The following CA10 variants were observed in gnomAD, a reference collection of about 807,000 sequenced individuals.
CA10 encodes the protein carbonic anhydrase 10 (inactive).
CA10 carries 14 observed loss-of-function variants against 44.2 expected under a neutral mutation model. That is an observed-to-expected ratio of 0.32 (90% CI 0.21 to 0.50). The LOEUF is 0.50. Among genes scored for constraint, CA10 ranks in the 20% least tolerant of loss-of-function variants. The pLI is 0.99. For synonymous variants in CA10, 159 were observed against 141.6 expected (o/e 1.12, Z -0.87); for missense variants, 350 against 409.7 (o/e 0.85, Z 1.26).
At chr17:51,839,317 C>T (rs1171927163) in intron 3 of CA10, among the ~76,000 whole-genome samples, 1 of 151,594 alleles carries the variant, frequency 6.6e-6, no homozygotes, top group African/African-American at 2.4e-5. Flanking sequence ...ACGGTGAAAC[C>T]CCGTCTCTAC....
At chr17:51,934,960 T>C (rs892884526) in intron 2 of CA10, among the ~76,000 whole-genome samples, 2 of 152,130 alleles carry the variant, frequency 1.3e-5, no homozygotes, top group African/African-American at 4.8e-5. Flanking sequence ...ATGAAGTGCC[T>C]GTGCCTACTG....
chr17:51,943,546 G>T (rs1340510178), intron 2 of CA10, among the ~76,000 whole-genome samples: 2 of 152,152 alleles, frequency 1.3e-5, no homozygotes, highest in Non-Finnish European at 2.9e-5. Context: ...GCCTTTCGGG[G>T]CTCCTGGCAG....
At position 51,692,366 on chromosome 17, in the gene CA10, C is replaced by CCTATCTAT. The variant is rs71728413; in HGVS notation, c.466-38638_466-38631dup. Among the ~76,000 whole-genome samples, 857 of 141,242 alleles carry CCTATCTAT rather than the reference C, an allele frequency of 6.1e-3. 4 individuals are homozygous for CCTATCTAT. Among genetic ancestry groups the CCTATCTAT allele is most frequent in the Admixed American group, 8.0e-3 (112 of 13,944 alleles). 92.7% of individuals were successfully genotyped at this position (141,242 alleles called of 152,430 possible). On this transcript the variant is annotated intron_variant, in intron 4 of 8. Transcript: ENST00000451037. ...TCTACCTACCTATCTACCTATCCAT[C>CCTATCTAT]CTATCTATCTATCTATCTATCTATC...
chr17:52,154,802 C>A (rs1195144357), intron 1 of CA10, among the ~76,000 whole-genome samples: 1 of 152,198 alleles, frequency 6.6e-6, no homozygotes, highest in Non-Finnish European at 1.5e-5. Context: ...TGCTACTGAC[C>A]CAGCATCTAG....
At chr17:51,734,461 G>A (rs1916829434) in intron 4 of CA10, among the ~76,000 whole-genome samples, 1 of 152,140 alleles carries the variant, frequency 6.6e-6, no homozygotes, top group African/African-American at 2.4e-5. Context: ...ACTTTTGAAG[G>A]TGAAAGGATG....
chr17:51,957,982 A>T (rs1983730252), intron 2 of CA10, among the ~76,000 whole-genome samples: 1 of 151,772 alleles, frequency 6.6e-6, no homozygotes, highest in Admixed American at 6.6e-5. Flanking sequence ...AAAATACAGC[A>T]CTCAGCACAG....
chr17:51,788,164 C>T (rs1403166619), intron 3 of CA10, among the ~76,000 whole-genome samples: 1 of 152,058 alleles, frequency 6.6e-6, no homozygotes, highest in Non-Finnish European at 1.5e-5. Flanking sequence ...TCATTTGCTC[C>T]AATATTTTTT....
At chr17:51,669,069 G>A (rs567167101) in intron 4 of CA10, among the ~76,000 whole-genome samples, 16 of 152,300 alleles carry the variant, frequency 1.1e-4, no homozygotes, top group East Asian at 1.9e-4. Flanking sequence ...CATCCCCGCC[G>A]TGGGCTCCCG....
At chr17:51,864,833 G>A (rs761208246) in intron 3 of CA10, among the ~76,000 whole-genome samples, 2 of 152,148 alleles carry the variant, frequency 1.3e-5, no homozygotes, top group Admixed American at 6.5e-5. Context: ...AAACTGAGGC[G>A]TGCAGGTGGA....
chr17:51,649,416 AAGGACAGCCCAGTCTAGAGAGGAAGAC>A (rs1266368548), intron 5 of CA10, among the ~76,000 whole-genome samples, 162 bp from the exon 6 acceptor site: 2 of 152,158 alleles, frequency 1.3e-5, no homozygotes, highest in Non-Finnish European at 2.9e-5. Context: ...CCCTATTCTC[AAGGACAGCCCAGTCTAGAGAGGAAGAC>A]AGGTAAGTGA....
intron 4 of CA10, among the ~76,000 whole-genome samples, chr17:51,693,105 G>T (rs912198068): frequency 6.6e-6 from 1 of 152,154 alleles, no homozygotes; most frequent in African/African-American, 2.4e-5. Context: ...AGCCAATTTG[G>T]ACTAGTTTCA....
chr17:51,717,839 A>G lies in CA10; in HGVS notation c.465+29794T>C, dbSNP rs76610447. ...TATATATATGTGTGTGTATATATAT[A>G]TATATATATATATATATATATATAT... On this transcript the variant is annotated intron_variant, in intron 4 of 8. Transcript: ENST00000451037. 2.8e-4 allele frequency among the ~76,000 whole-genome samples: 8 copies of G among 28,440 alleles called. 2 individuals carry two copies. Among genetic ancestry groups the G allele is most frequent in the Non-Finnish European group, 5.0e-4 (7 of 13,980 alleles). The allele number at this position is 28,440 out of a possible 152,430, so 18.7% of individuals were successfully genotyped here. A position where few individuals can be genotyped will look rare whatever the true frequency, so the allele number is the denominator to read the frequency against.
At chr17:52,118,333 A>C (rs1354805178) in intron 1 of CA10, among the ~76,000 whole-genome samples, 1 of 152,206 alleles carries the variant, frequency 6.6e-6, no homozygotes, top group African/African-American at 2.4e-5. Context: ...ATTTTTTGGA[A>C]AACAAAGTCT....
At chr17:51,908,499 G>T (rs1981656322) in intron 3 of CA10, among the ~76,000 whole-genome samples, 1 of 152,134 alleles carries the variant, frequency 6.6e-6, no homozygotes, top group South Asian at 2.1e-4. Flanking sequence ...TATCATGTTG[G>T]CAGTTCCTGC....
intron 3 of CA10, among the ~76,000 whole-genome samples, chr17:51,861,001 A>G (rs1446344301): frequency 1.3e-5 from 2 of 152,180 alleles, no homozygotes; most frequent in East Asian, 3.9e-4. Context: ...TTAACATAAA[A>G]TACCTTCCAT....
At chr17:52,011,359 G>T (rs866590084) in intron 2 of CA10, among the ~76,000 whole-genome samples, 9 of 151,912 alleles carry the variant, frequency 5.9e-5, no homozygotes, top group Non-Finnish European at 1.2e-4. Flanking sequence ...TGTCCTGAGG[G>T]TCATGATCAT....
rs538562420 is a variant in CA10, at chr17:52,128,920, G to T, written c.61+28806C>A. On this transcript the variant is annotated intron_variant, in intron 1 of 8. Coordinates refer to ENST00000451037, the MANE Select transcript of CA10 (RefSeq NM_020178.5). Reference sequence around the variant, plus strand: ...CCAATTCATGCTCTAATTCCCATGGGTGAATCACACCCTACCCATGACTAA... The same window carrying T: ...CCAATTCATGCTCTAATTCCCATGGTTGAATCACACCCTACCCATGACTAA... Among the ~76,000 whole-genome samples the T allele has an allele frequency of 2.0e-5, 3 of 152,228 alleles. No homozygotes were observed. The East Asian group carries it at 5.8e-4, about 29-fold the overall frequency.
chr17:51,701,492 T>A lies in CA10; in HGVS notation c.465+46141A>T, dbSNP rs59770756. The stretch of plus-strand genomic sequence containing the variant: ...AACACTCTCATTTATTTATTTATTT[T>A]TTTTATGTTTCTTGTTTGTTTACCT... On this transcript the variant is annotated intron_variant, in intron 4 of 8. Transcript: ENST00000451037. 6.9e-3 allele frequency among the ~76,000 whole-genome samples: 1,057 copies of A among 152,180 alleles called. 10 individuals carry two copies. The highest frequency in any genetic ancestry group is 0.013 in the African/African-American group (541 of 41,444).
intron 4 of CA10, among the ~76,000 whole-genome samples, chr17:51,671,396 A>AT (rs1046517451): frequency 9.7e-6 from 1 of 103,268 alleles, no homozygotes; most frequent in Admixed American, 1.1e-4. Context: ...CATTTGGGTC[A>AT]TTTTTTTTGT....
Sources: gnomAD v4.1 joint callset for allele counts (sites outside exome capture counted in the v4.1 genomes callset) on GRCh38, gnomAD v4.1.1 for gene constraint, MANE v1.5 for transcripts, NCBI Gene and HGNC (gene_info 2026-07-23, HGNC 2026-07-21) for gene names.